Variants in EYA3 observed in about 807,000 individuals in gnomAD.
EYA3 encodes protein phosphatase EYA3.
EYA3 carries 39 observed loss-of-function variants against 80.0 expected under a neutral mutation model. That is an observed-to-expected ratio of 0.49 (90% CI 0.38 to 0.64). EYA3 has a LOEUF of 0.64. Ranked by LOEUF, EYA3 falls within the 30% of genes least tolerant of loss-of-function variation. The probability of loss-of-function intolerance (pLI) is 0.00; values close to 1 mark genes in which losing one functional copy is unlikely to be tolerated. For synonymous variants in EYA3, 206 were observed against 232.8 expected, an observed-to-expected ratio of 0.88 and a Z score of 1.05; for missense variants, 523 against 676.1, an observed-to-expected ratio of 0.77 and a Z score of 2.51.
At chr1:27,995,186 C>T (rs939975200) in intron 13 of EYA3, among the ~76,000 whole-genome samples, 2 of 151,442 alleles carry the variant, frequency 1.3e-5, no homozygotes, top group Admixed American at 6.6e-5. Context: ...GGGGGGATCA[C>T]TTGGGTCCAG....
chr1:28,026,884 G>A (rs999098920), intron 7 of EYA3, among the ~76,000 whole-genome samples: 2 of 152,060 alleles, frequency 1.3e-5, no homozygotes, highest in African/African-American at 4.8e-5. Flanking sequence ...CTAGACCAAG[G>A]AGAAGTAGTT....
chr1:28,061,217 T>C (rs1038714584), intron 1 of EYA3, among the ~76,000 whole-genome samples: 1 of 152,186 alleles, frequency 6.6e-6, no homozygotes, highest in Non-Finnish European at 1.5e-5. Context: ...CTGTATAAAA[T>C]GCACTAATGA....
intron 1 of EYA3, among the ~76,000 whole-genome samples, chr1:28,078,281 T>C (rs1327343013): frequency 6.6e-6 from 1 of 152,200 alleles, no homozygotes; most frequent in East Asian, 1.9e-4. Context: ...GTAGCCTTGA[T>C]AACCTTTAGC....
intron 8 of EYA3, among the ~76,000 whole-genome samples, 191 bp downstream of exon 8, chr1:28,016,963 G>A (rs1192152668): frequency 1.3e-5 from 2 of 152,172 alleles, no homozygotes; most frequent in African/African-American, 4.8e-5. Flanking sequence ...AGACCCAGCA[G>A]AGGAACAACA....
At chr1:28,067,847 A>C (rs946158529) in intron 1 of EYA3, among the ~76,000 whole-genome samples, 2 of 152,214 alleles carry the variant, frequency 1.3e-5, no homozygotes, top group Non-Finnish European at 2.9e-5. Context: ...GCAAGAAAAT[A>C]TATAACAAAA....
chr1:28,052,952 T>C (rs1285186143), intron 2 of EYA3, among the ~76,000 whole-genome samples: 5 of 151,378 alleles, frequency 3.3e-5, no homozygotes, highest in Admixed American at 3.3e-4. Flanking sequence ...GTCAGGAGTC[T>C]GAGACCAGCT....
rs746770804 is a variant in EYA3, at chr1:27,988,697, C to T, written c.1419-41G>A. The T allele has an allele frequency of 2.5e-6, 4 of 1,602,742 alleles. No individual in the cohort carries two copies. The Admixed American group carries it at 7.2e-5, about 29-fold the overall frequency. On this transcript the variant is annotated intron_variant, in intron 15 of 17. Coordinates refer to ENST00000373871, the MANE Select transcript of EYA3 (RefSeq NM_001990.4). ...AGGGAAAAGAAAAGGTGAAACTAAA[C>T]CAACCTGGGAGCAAGAATTCGTATG...
intron 1 of EYA3, among the ~76,000 whole-genome samples, chr1:28,072,394 G>A (rs915089703): frequency 6.6e-6 from 1 of 152,022 alleles, no homozygotes; most frequent in Non-Finnish European, 1.5e-5. Flanking sequence ...AAAAGTTTGG[G>A]ACTGTTGGCC....
At chr1:27,994,134 A>G (rs569672641) in intron 13 of EYA3, among the ~76,000 whole-genome samples, 2 of 152,320 alleles carry the variant, frequency 1.3e-5, no homozygotes, top group East Asian at 3.9e-4. Context: ...TACTTAAAAT[A>G]TAAATAGAAA....
At chr1:27,994,666 G>A (rs1345920070) in intron 13 of EYA3, among the ~76,000 whole-genome samples, 6 of 152,120 alleles carry the variant, frequency 3.9e-5, no homozygotes, top group Admixed American at 3.9e-4. Flanking sequence ...CAGCTTGCGG[G>A]GGGAAAAGAA....
chr1:28,035,837 CAG>C (rs10545565), intron 5 of EYA3, among the ~76,000 whole-genome samples, 157 bp from the exon 6 acceptor site: 10,331 of 152,156 alleles, frequency 0.068, 610 homozygotes, highest in East Asian at 0.25. Flanking sequence ...ATTTTTGAGA[CAG>C]AGTCTTGCTC....
rs1182363594 is a variant in EYA3, at chr1:28,009,733, TATGAG to T, written c.909+1209_909+1213del. ...GATACATTTTCTGTGATTCCACTTA[TATGAG>T]ATATCTAGAATAAGAAGTCAAAGAC... On this transcript the variant is annotated intron_variant, in intron 10 of 17. Transcript: ENST00000373871. This position sits in a 1 kb window ranked among gnomAD's most constrained non-coding sequence, Gnocchi z 4.8. 1.3e-5 allele frequency among the ~76,000 whole-genome samples: 2 copies of T among 152,210 alleles called. No homozygotes were observed. The highest frequency in any genetic ancestry group is 4.8e-5 in the African/African-American group (2 of 41,452).
rs531500746 is a variant in EYA3, at chr1:28,048,562, T to C, written c.34-136A>G. On this transcript the variant is annotated intron_variant, in intron 2 of 17. Transcript: ENST00000373871. ...TTAGTCTAGATTTAATTAACCCTTG[T>C]TATATTTTAGAGCTAGAAATGAAGT... 11 of 532,352 alleles carry C rather than the reference T, an allele frequency of 2.1e-5. No homozygotes were observed. The East Asian group carries it at 3.2e-4, about 15-fold the overall frequency. 33.0% of individuals were successfully genotyped at this position (532,352 alleles called of 1,614,324 possible).
intron 1 of EYA3, among the ~76,000 whole-genome samples, chr1:28,067,312 A>G (rs917594084): frequency 6.6e-6 from 1 of 152,252 alleles, no homozygotes. Flanking sequence ...CTGTAACTGT[A>G]AACTATTTCA....
rs1465843778 is a variant in EYA3, at chr1:28,049,850, C to G, written c.34-1424G>C. Reference sequence around the variant, plus strand: ...GCCTTTTTTTATAAAATGTTCTGCCCTTCCTACCTAAAGATGATAGTAGTT... The same window carrying G: ...GCCTTTTTTTATAAAATGTTCTGCCGTTCCTACCTAAAGATGATAGTAGTT... On this transcript the variant is annotated intron_variant, in intron 2 of 17. Transcript: ENST00000373871. 3.9e-5 allele frequency among the ~76,000 whole-genome samples: 6 copies of G among 152,194 alleles called. No individual in the cohort carries two copies. In the East Asian group the frequency reaches 1.2e-3, roughly 29 times the overall value.
intron 11 of EYA3, among the ~76,000 whole-genome samples, chr1:28,002,519 T>C (rs907124201): frequency 7.2e-5 from 11 of 151,884 alleles, no homozygotes; most frequent in African/African-American, 2.4e-4. Context: ...CTGTAGAAAA[T>C]ACTAACAGAG....
chr1:27,989,924 G>T, intron 14 of EYA3, 113 bp from the exon 15 acceptor site: 1 of 535,330 alleles, frequency 1.9e-6, no homozygotes, highest in Non-Finnish European at 3.3e-6. Context: ...ATATTCTACT[G>T]AGTATGTTTA....
intron 17 of EYA3, chr1:27,977,008 G>A (rs927224097): frequency 2.0e-5 from 20 of 985,080 alleles, no homozygotes; most frequent in South Asian, 4.7e-5. Flanking sequence ...ATGAGCCACC[G>A]TGCCCAGCCT....
At position 28,000,065 on chromosome 1, in the gene EYA3, A is replaced by G. The variant is rs1640722428; in HGVS notation, c.994-16T>C. On this transcript the variant is annotated splice_polypyrimidine_tract_variant and intron_variant, in intron 11 of 17. Coordinates refer to ENST00000373871, the MANE Select transcript of EYA3 (RefSeq NM_001990.4). ...CTGTTGGGTCCTAGAAGACAATAAG[A>G]AAAAATCAGCTTGACTTGGTAGTCA... is the stretch of plus-strand genomic sequence containing the variant. 1 of 1,567,088 alleles carries G rather than the reference A, an allele frequency of 6.4e-7. No homozygotes were observed. Among genetic ancestry groups the G allele is most frequent in the Non-Finnish European group, 8.7e-7 (1 of 1,155,148 alleles).
Sources: gnomAD v4.1 joint callset for allele counts (sites outside exome capture counted in the v4.1 genomes callset) on GRCh38, gnomAD v4.1.1 for gene constraint, Gnocchi (gnomAD v3.1) non-coding constraint, MANE v1.5 for transcripts, NCBI Gene and HGNC (gene_info 2026-07-23, HGNC 2026-07-21) for gene names.